Variants in CYTH3 observed in about 807,000 individuals in gnomAD.
CYTH3 encodes the protein cytohesin 3.
Under a neutral mutation model 55.1 loss-of-function variants are expected in CYTH3, and 23 were observed. The observed-to-expected ratio is 0.42, with a 90% CI of 0.30 to 0.59. CYTH3 has a LOEUF of 0.59. Ranked by LOEUF, CYTH3 falls within the 20% of genes least tolerant of loss-of-function variation. CYTH3 has a pLI of 0.20. For synonymous variants in CYTH3, 249 were observed against 194.9 expected, an observed-to-expected ratio of 1.28 and a Z score of -2.31; for missense variants, 413 against 524.8, an observed-to-expected ratio of 0.79 and a Z score of 2.08.
At chr7:6,168,293 G>C (rs976966437) in intron 9 of CYTH3, among the ~76,000 whole-genome samples, 10 of 144,556 alleles carry the variant, frequency 6.9e-5, no homozygotes, top group Admixed American at 2.9e-4. Context: ...CGTAAGCCAC[G>C]CCTGTGTACA....
rs1171342367 is a variant in CYTH3, at chr7:6,162,153, C to T, written c.*2791G>A. ...AGTGCTGCTCCATCTATAAATAGCTCCTATTTTCAGTTTGGTACCACATTA... is the reference window on the plus strand; with the variant it reads ...AGTGCTGCTCCATCTATAAATAGCTTCTATTTTCAGTTTGGTACCACATTA... On this transcript the variant is annotated 3_prime_UTR_variant, in exon 13 of 13. Transcript: ENST00000350796. 2 of 152,590 alleles carry T rather than the reference C, an allele frequency of 1.3e-5. No homozygotes were observed. The highest frequency in any genetic ancestry group is 2.4e-5 in the African/African-American group (1 of 41,440). The allele number at this position is 152,590 out of a possible 1,614,324, so 9.5% of individuals were successfully genotyped here. A position where few individuals can be genotyped will look rare whatever the true frequency, so the allele number is the denominator to read the frequency against.
intron 1 of CYTH3, among the ~76,000 whole-genome samples, chr7:6,197,657 T>C (rs559238798): frequency 6.6e-6 from 1 of 152,188 alleles, no homozygotes; most frequent in South Asian, 2.1e-4. Flanking sequence ...CCCTCCAGCC[T>C]GGGCAACAAG....
intron 1 of CYTH3, among the ~76,000 whole-genome samples, chr7:6,202,998 A>G (rs189546856): frequency 6.6e-6 from 1 of 152,364 alleles, no homozygotes; most frequent in East Asian, 1.9e-4. Flanking sequence ...TTCTTACCAA[A>G]AAGTTGGTAC....
At position 6,207,723 on chromosome 7, in the gene CYTH3, G is replaced by T. The variant is rs1784227050; in HGVS notation, c.35-17192C>A. On this transcript the variant is annotated intron_variant, in intron 1 of 12. Transcript: ENST00000350796. ...CCAGCACTTTGGGAGGTCGAGGCAG[G>T]CAGACTGCTTGAGTTCAGATGTTCA... 2.6e-5 allele frequency among the ~76,000 whole-genome samples: 4 copies of T among 151,960 alleles called. No homozygotes were observed. In the South Asian group the frequency reaches 8.3e-4, roughly 32 times the overall value.
At chr7:6,265,920 G>C (rs1034886683) in intron 1 of CYTH3, among the ~76,000 whole-genome samples, 18 of 149,384 alleles carry the variant, frequency 1.2e-4, no homozygotes, top group Admixed American at 6.8e-4. Context: ...AGACTTACCA[G>C]TAATGCTTTA....
intron 6 of CYTH3, among the ~76,000 whole-genome samples, chr7:6,173,417 G>C (rs1172320129): frequency 6.6e-6 from 1 of 152,242 alleles, no homozygotes; most frequent in East Asian, 1.9e-4. Context: ...AATGGAAGGA[G>C]CATCAGCGGC....
chr7:6,173,644 C>CA lies in CYTH3; in HGVS notation c.449+8dup. ...ATCCACTCTACACCCAGCAAATGAT[C>CA]ATACTTACCTTAAGGCTTGTACAAG... On this transcript the variant is annotated intron_variant, in intron 6 of 12. Transcript: ENST00000350796. The CA allele has an allele frequency of 1.3e-6, 2 of 1,593,100 alleles. No individual in the cohort carries two copies. The highest frequency in any genetic ancestry group is 1.7e-4 in the Middle Eastern group (1 of 5,928).
chr7:6,171,088 C>T lies in CYTH3; in HGVS notation c.563-110G>A. On this transcript the variant is annotated intron_variant, in intron 7 of 12. Coordinates refer to ENST00000350796, the MANE Select transcript of CYTH3 (RefSeq NM_004227.4). This position sits in a 1 kb window ranked among gnomAD's most constrained non-coding sequence, Gnocchi z 6.7. ...GTGCCCGGCCCACAGGTCGTCCTCG[C>T]TCAGGGAAGGCAGGTCCCCAGGAAC... is the stretch of plus-strand genomic sequence containing the variant. 1.3e-6 allele frequency: 2 copies of T among 1,587,048 alleles called. No individual in the cohort carries two copies. Among genetic ancestry groups the T allele is most frequent in the Admixed American group, 1.7e-5 (1 of 58,738 alleles).
At chr7:6,199,002 T>A (rs1007006886) in intron 1 of CYTH3, among the ~76,000 whole-genome samples, 2 of 152,220 alleles carry the variant, frequency 1.3e-5, no homozygotes, top group Non-Finnish European at 2.9e-5. Context: ...GTGCAGCACA[T>A]ACGGTTTCAA....
At chr7:6,263,601 G>T (rs1423282482) in intron 1 of CYTH3, among the ~76,000 whole-genome samples, 4 of 152,152 alleles carry the variant, frequency 2.6e-5, no homozygotes, top group African/African-American at 9.7e-5. Flanking sequence ...TTCAAGACCA[G>T]CCTGGCCAAC....
In CYTH3 at chr7:6,165,548, T is replaced by C. The variant is rs1782974549; in HGVS notation, c.969A>G (p.Lys323=). Residue 323 remains lysine (K), a synonymous_variant, in exon 11 of 13, where the codon AAA becomes AAG. Transcript: ENST00000350796. ...LSIREVEDPR[K]PNCFELYNPS... ...AGGTTCAGGAGGAAGAGCTTACGGG[T>C]TTCCGGGGGTCCTCCACCTCCCTGA... 1 of 1,613,820 alleles carries C rather than the reference T, an allele frequency of 6.2e-7. No individual in the cohort carries two copies. Among genetic ancestry groups the C allele is most frequent in the Non-Finnish European group, 8.5e-7 (1 of 1,179,872 alleles).
At chr7:6,184,849 A>G (rs1049163540) in intron 4 of CYTH3, among the ~76,000 whole-genome samples, 1 of 152,220 alleles carries the variant, frequency 6.6e-6, no homozygotes, top group African/African-American at 2.4e-5. Flanking sequence ...AAGTGCTGGG[A>G]TTATACGCGT....
chr7:6,215,240 C>T (rs992726563), intron 1 of CYTH3, among the ~76,000 whole-genome samples: 2 of 152,180 alleles, frequency 1.3e-5, no homozygotes, highest in African/African-American at 4.8e-5. Context: ...GCAGAAGATG[C>T]TCCACGGTTC....
intron 1 of CYTH3, among the ~76,000 whole-genome samples, chr7:6,266,042 T>C (rs1332462910): frequency 6.6e-6 from 1 of 152,162 alleles, no homozygotes; most frequent in Admixed American, 6.5e-5. Context: ...CTTTTCTGTA[T>C]GTTTTATACA....
intron 1 of CYTH3, among the ~76,000 whole-genome samples, chr7:6,205,314 C>A (rs188232670): frequency 6.6e-6 from 1 of 152,158 alleles, no homozygotes; most frequent in Non-Finnish European, 1.5e-5. Flanking sequence ...TGGCTCACAC[C>A]TGTAATCCGG....
intron 1 of CYTH3, among the ~76,000 whole-genome samples, chr7:6,240,004 G>T (rs916570565): frequency 6.6e-6 from 1 of 152,150 alleles, no homozygotes; most frequent in African/African-American, 2.4e-5. Flanking sequence ...TATATTTAAT[G>T]CAATCAGAAT....
In CYTH3 at chr7:6,169,099, G is replaced by GA. The variant is rs1562874860; in HGVS notation, c.823+1435dup. Among the ~76,000 whole-genome samples the GA allele has an allele frequency of 1.3e-5, 2 of 152,204 alleles. No individual in the cohort carries two copies. The highest frequency in any genetic ancestry group is 4.8e-5 in the African/African-American group (2 of 41,456). On this transcript the variant is annotated intron_variant, in intron 9 of 12. Coordinates refer to ENST00000350796, the MANE Select transcript of CYTH3 (RefSeq NM_004227.4). The surrounding 1 kb of genome is among the most constrained non-coding windows in gnomAD (Gnocchi z 4.1). ...ACTCCCCTAAACCTCGGTACAGCCA[G>GA]AAAAAAGTCAAAGAGCAATGGCCAA...
At chr7:6,230,960 T>C (rs1388821483) in intron 1 of CYTH3, among the ~76,000 whole-genome samples, 2 of 152,340 alleles carry the variant, frequency 1.3e-5, no homozygotes, top group African/African-American at 2.4e-5. Context: ...ATCAGTGATT[T>C]TGTGGCTCCA....
chr7:6,254,106 C>T (rs979081077), intron 1 of CYTH3, among the ~76,000 whole-genome samples: 4 of 152,052 alleles, frequency 2.6e-5, no homozygotes, highest in African/African-American at 9.7e-5. Flanking sequence ...CACGTGAACC[C>T]GGGAGACGGA....
Sources: allele counts gnomAD v4.1 joint callset (sites outside exome capture counted in the v4.1 genomes callset), GRCh38; gene constraint gnomAD v4.1.1; non-coding constraint Gnocchi (gnomAD v3.1); transcripts MANE v1.5; gene names NCBI Gene and HGNC (gene_info 2026-07-23, HGNC 2026-07-21).